The following GARIN5A variants were observed in gnomAD, a reference collection of about 807,000 sequenced individuals.
The protein encoded by GARIN5A is Golgi-associated RAB2 interactor protein 5A.
At chr19:50,473,192 G>C in the GARIN5A span, among the ~76,000 whole-genome samples, 41 of 152,300 alleles carry the variant, frequency 2.7e-4, no homozygotes, top group African/African-American at 9.9e-4. Flanking sequence ...CACGAAATTA[G>C]AAAAGCAATC....
At chr19:50,472,596 G>T in the GARIN5A span, among the ~76,000 whole-genome samples, 1 of 152,176 alleles carries the variant, frequency 6.6e-6, no homozygotes, top group South Asian at 2.1e-4. Flanking sequence ...AATACAGTTA[G>T]CATTTAAAAT....
the GARIN5A span, among the ~76,000 whole-genome samples, chr19:50,472,138 G>GTA: frequency 1.4e-5 from 2 of 139,306 alleles, no homozygotes; most frequent in Admixed American, 1.4e-4. Flanking sequence ...GTGTGTATAT[G>GTA]TATGTATACG....
At chr19:50,469,386 T>G in the GARIN5A span, among the ~76,000 whole-genome samples, 59 of 152,310 alleles carry the variant, frequency 3.9e-4, 3 homozygotes, top group East Asian at 0.01. Flanking sequence ...CGTAGTCCTT[T>G]CCGGTCTGAC....
the GARIN5A span, chr19:50,476,709 G>A: frequency 8.2e-5 from 98 of 1,190,772 alleles, 1 homozygote; most frequent in East Asian, 1.9e-3. Flanking sequence ...GATGTCGCAG[G>A]TCTTGGGTCT....
the GARIN5A span, among the ~76,000 whole-genome samples, chr19:50,473,832 C>G: frequency 6.6e-6 from 1 of 152,038 alleles, no homozygotes; most frequent in Admixed American, 6.6e-5. Flanking sequence ...ACTAAAAATA[C>G]AAAAATTAGC....
chr19:50,472,848 G>C, the GARIN5A span, among the ~76,000 whole-genome samples: 2 of 152,026 alleles, frequency 1.3e-5, no homozygotes, highest in Non-Finnish European at 2.9e-5. Context: ...CTCCAGCCTG[G>C]ATGACAGAGT....
At chr19:50,472,079 C>CGTGTGT in the GARIN5A span, among the ~76,000 whole-genome samples, 4 of 98,366 alleles carry the variant, frequency 4.1e-5, no homozygotes, top group African/African-American at 1.1e-4. Context: ...TGTATATATA[C>CGTGTGT]ATGTGTGTAT....
chr19:50,472,066 A>ATG, the GARIN5A span, among the ~76,000 whole-genome samples: 1 of 139,838 alleles, frequency 7.2e-6, no homozygotes, highest in East Asian at 2.3e-4. Flanking sequence ...GTGTGTGTAT[A>ATG]TGTGTATATA....
chr19:50,467,111 C>T, the GARIN5A span, among the ~76,000 whole-genome samples: 7 of 152,138 alleles, frequency 4.6e-5, no homozygotes, highest in Non-Finnish European at 1.0e-4. Context: ...CTGGCATCAT[C>T]CCCTGCTCCA....
chr19:50,476,697 C>A, the GARIN5A span: 1 of 1,314,994 alleles, frequency 7.6e-7, no homozygotes. Flanking sequence ...GCGCGGTCTA[C>A]GGATGTCGCA....
the GARIN5A span, chr19:50,475,946 G>A: frequency 4.9e-4 from 795 of 1,611,790 alleles, 3 homozygotes; most frequent in African/African-American, 9.6e-3. Flanking sequence ...GCAACCAGGA[G>A]GCATTTTACC....
At chr19:50,472,516 T>C in the GARIN5A span, among the ~76,000 whole-genome samples, 1 of 152,066 alleles carries the variant, frequency 6.6e-6, no homozygotes, top group African/African-American at 2.4e-5. Context: ...TCATAGCCAC[T>C]CTCAGCACCA....
the GARIN5A span, chr19:50,475,756 AGCAGGGGCTTTCC>A: frequency 1.9e-6 from 2 of 1,040,980 alleles, no homozygotes; most frequent in Non-Finnish European, 3.0e-6. Context: ...GTTATGGGGG[AGCAGGGGCTTTCC>A]AAGTCAGGAG....
chr19:50,475,787 A>G, the GARIN5A span: 4 of 1,394,508 alleles, frequency 2.9e-6, no homozygotes, highest in South Asian at 3.5e-5. Flanking sequence ...GAGGAGGTCG[A>G]GGGGCAGGCC....
chr19:50,467,510 CCCCTCTG>C, the GARIN5A span: 47 of 1,282,420 alleles, frequency 3.7e-5, no homozygotes, highest in South Asian at 6.3e-4. Context: ...TCAGACACCT[CCCCTCTG>C]CCCTCTGCTG....
the GARIN5A span, among the ~76,000 whole-genome samples, chr19:50,472,220 G>GTATATATACATGTATGTGTATATGTA: frequency 1.4e-3 from 149 of 106,406 alleles, 2 homozygotes; most frequent in South Asian, 2.5e-3. Flanking sequence ...ATGTGTGTAT[G>GTATATATACATGTATGTGTATATGTA]TATATATACA....
At chr19:50,467,867 T>C in the GARIN5A span, 10 of 1,597,530 alleles carry the variant, frequency 6.3e-6, 1 homozygote, top group Middle Eastern at 1.8e-4. Flanking sequence ...GTTCTGACCC[T>C]GTCGGGTCCT....
chr19:50,476,137 C>T, the GARIN5A span: 1 of 1,613,464 alleles, frequency 6.2e-7, no homozygotes, highest in Admixed American at 1.7e-5. Flanking sequence ...CACCTGCCAT[C>T]CCACCTGGTT....
At chr19:50,475,809 T>C in the GARIN5A span, 2 of 1,539,416 alleles carry the variant, frequency 1.3e-6, no homozygotes, top group African/African-American at 1.4e-5. Context: ...AGGCTGGGGA[T>C]GAGGGGGTTC....
Sources: allele counts gnomAD v4.1 joint callset (sites outside exome capture counted in the v4.1 genomes callset), GRCh38; gene constraint gnomAD v4.1.1; transcripts MANE v1.5; gene names NCBI Gene and HGNC (gene_info 2026-07-23, HGNC 2026-07-21).